Variants in LDHAL6A observed in about 807,000 individuals in gnomAD.
The protein encoded by LDHAL6A is L-lactate dehydrogenase A-like 6A.
LDHAL6A carries 19 observed loss-of-function variants against 28.2 expected under a neutral mutation model. The ratio of observed to expected loss-of-function variants is 0.67; its 90% CI spans 0.47 to 0.99. The LOEUF (loss-of-function observed/expected upper bound fraction) is 0.99, where lower values mean the gene tolerates loss of function less well. LDHAL6A is among the 50% of genes least tolerant of loss of function. LDHAL6A has a pLI of 0.00. For synonymous variants in LDHAL6A, 144 were observed against 134.4 expected (o/e 1.07, Z -0.49); for missense variants, 372 against 398.6 (o/e 0.93, Z 0.57).
At chr11:18,472,647 A>AT (rs1451524015) in intron 3 of LDHAL6A, among the ~76,000 whole-genome samples, 1 of 152,208 alleles carries the variant, frequency 6.6e-6, no homozygotes, top group African/African-American at 2.4e-5. Context: ...AATTTGATGC[A>AT]TTTATTATTT....
chr11:18,464,977 G>GTTTTTTGTTTTTTTTTTT (rs1849015131), intron 2 of LDHAL6A, among the ~76,000 whole-genome samples: 1 of 125,490 alleles, frequency 8.0e-6, no homozygotes, highest in African/African-American at 3.4e-5. Context: ...TGTTTTTTTT[G>GTTTTTTGTTTTTTTTTTT]TTTTTTTTTG....
At chr11:18,468,075 A>ATG (rs1849166450) in intron 3 of LDHAL6A, among the ~76,000 whole-genome samples, 2 of 129,530 alleles carry the variant, frequency 1.5e-5, no homozygotes, top group East Asian at 2.2e-4. Flanking sequence ...ATATATATAT[A>ATG]TATTTTGCTT....
intron 4 of LDHAL6A, among the ~76,000 whole-genome samples, chr11:18,475,914 A>G (rs1228809911): frequency 6.6e-6 from 1 of 152,188 alleles, no homozygotes; most frequent in Non-Finnish European, 1.5e-5. Flanking sequence ...TATAGTTTGT[A>G]TTTAATTTGG....
Position 18,456,453 on chromosome 11 carries a change from TCCTTCC to T in LDHAL6A, c.-224_-219del. 1 of 514,670 alleles carries T rather than the reference TCCTTCC, an allele frequency of 1.9e-6. No individual in the cohort carries two copies. Among genetic ancestry groups the T allele is most frequent in the Non-Finnish European group, 3.4e-6 (1 of 290,778 alleles). The allele number at this position is 514,670 out of a possible 1,614,324, so 31.9% of individuals were successfully genotyped here. ...TCTTAACTGTACTCACGCTTCCTTCTCCTTCCCCTGGTCCGCTTCATGGATGCTGAG... is the reference window on the plus strand; with the variant it reads ...TCTTAACTGTACTCACGCTTCCTTCTCCTGGTCCGCTTCATGGATGCTGAG... On this transcript the variant is annotated 5_prime_UTR_variant, in exon 1 of 7. Transcript: ENST00000280706.
chr11:18,475,363 C>A, intron 3 of LDHAL6A, 103 bp from the exon 4 acceptor site: 1 of 878,996 alleles, frequency 1.1e-6, no homozygotes, highest in Non-Finnish European at 1.8e-6. Context: ...TGTTTCTTGC[C>A]TCCTCCACAA....
chr11:18,467,989 ATG>A (rs1491196935), intron 3 of LDHAL6A, among the ~76,000 whole-genome samples: 1,361 of 46,690 alleles, frequency 0.029, 205 homozygotes, highest in African/African-American at 0.12. Flanking sequence ...ACGTATATAT[ATG>A]CATATATATA....
intron 3 of LDHAL6A, among the ~76,000 whole-genome samples, chr11:18,474,455 C>T (rs984413448): frequency 1.3e-5 from 2 of 151,706 alleles, no homozygotes; most frequent in African/African-American, 2.4e-5. Context: ...GGCACGATCT[C>T]GGCTCACTGC....
intron 3 of LDHAL6A, among the ~76,000 whole-genome samples, chr11:18,472,812 T>C (rs1054461408): frequency 5.9e-5 from 9 of 152,210 alleles, no homozygotes; most frequent in Non-Finnish European, 1.2e-4. Flanking sequence ...AGACACTTCA[T>C]TTACTTGAAA....
intron 3 of LDHAL6A, among the ~76,000 whole-genome samples, chr11:18,470,149 T>A (rs1381097270): frequency 6.6e-6 from 1 of 152,258 alleles, no homozygotes; most frequent in Non-Finnish European, 1.5e-5. Flanking sequence ...GGTCTTGAAC[T>A]CCTGGCATCA....
At chr11:18,462,818 G>A (rs903721421) in intron 1 of LDHAL6A, among the ~76,000 whole-genome samples, 1 of 149,904 alleles carries the variant, frequency 6.7e-6, no homozygotes, top group African/African-American at 2.5e-5. Context: ...GGGGAACAGA[G>A]CAAGAGACTC....
At chr11:18,468,582 T>C (rs1235208629) in intron 3 of LDHAL6A, 2 of 152,090 alleles carry the variant, frequency 1.3e-5, no homozygotes, top group Non-Finnish European at 2.9e-5. Context: ...CGAACTGATC[T>C]GCCCACCTCA....
chr11:18,457,570 AGCCACAGCCAACT>A (rs1848790307), intron 1 of LDHAL6A, among the ~76,000 whole-genome samples: 1 of 152,192 alleles, frequency 6.6e-6, no homozygotes, highest in Non-Finnish European at 1.5e-5. Flanking sequence ...TAAGGACAGC[AGCCACAGCCAACT>A]GCTGCTCCTG....
At chr11:18,477,776 C>A in intron 6 of LDHAL6A, 33 bp downstream of exon 6, 1 of 1,569,318 alleles carries the variant, frequency 6.4e-7, no homozygotes, top group Non-Finnish European at 8.6e-7. Flanking sequence ...ATCATTAACT[C>A]AACATAAAAT....
At chr11:18,472,227 G>C (rs775312117) in intron 3 of LDHAL6A, among the ~76,000 whole-genome samples, 1 of 152,112 alleles carries the variant, frequency 6.6e-6, no homozygotes, top group East Asian at 1.9e-4. Context: ...TAAGGCCCAG[G>C]ATGACTAACC....
chr11:18,472,881 A>G (rs1419248046), intron 3 of LDHAL6A, among the ~76,000 whole-genome samples: 5 of 152,210 alleles, frequency 3.3e-5, no homozygotes, highest in African/African-American at 1.2e-4. Flanking sequence ...GTTTAATTCA[A>G]ATAATATGAA....
chr11:18,471,386 T>C (rs1157900624), intron 3 of LDHAL6A, among the ~76,000 whole-genome samples: 1 of 151,778 alleles, frequency 6.6e-6, no homozygotes, highest in African/African-American at 2.4e-5. Context: ...ATTCTTGTAT[T>C]TTCAGTAGAG....
chr11:18,461,873 A>G (rs534488446), intron 1 of LDHAL6A, among the ~76,000 whole-genome samples: 1 of 151,094 alleles, frequency 6.6e-6, no homozygotes, highest in Non-Finnish European at 1.5e-5. Flanking sequence ...AAAAAAAAAA[A>G]AACTAGGCTG....
intron 3 of LDHAL6A, among the ~76,000 whole-genome samples, chr11:18,473,763 ATAATGT>A (rs899023357): frequency 2.6e-5 from 4 of 152,168 alleles, no homozygotes; most frequent in African/African-American, 9.7e-5. Flanking sequence ...ACTCTCCAGT[ATAATGT>A]TAAACAGAAA....
chr11:18,461,130 G>A (rs1400801474), intron 1 of LDHAL6A, among the ~76,000 whole-genome samples: 1 of 150,160 alleles, frequency 6.7e-6, no homozygotes, highest in Non-Finnish European at 1.5e-5. Flanking sequence ...GAGCCACCGC[G>A]CCCGGCCTTG....
Sources: allele counts gnomAD v4.1 joint callset (sites outside exome capture counted in the v4.1 genomes callset), GRCh38; gene constraint gnomAD v4.1.1; transcripts MANE v1.5; gene names NCBI Gene and HGNC (gene_info 2026-07-23, HGNC 2026-07-21).